Variants in CSMD1 observed in about 807,000 individuals in gnomAD.
The protein encoded by CSMD1 is CUB and sushi domain-containing protein 1.
CSMD1 carries 213 observed loss-of-function variants against 417.5 expected under a neutral mutation model. The ratio of observed to expected loss-of-function variants is 0.51; its 90% CI spans 0.46 to 0.57. The LOEUF is 0.57. CSMD1 is among the 20% of genes least tolerant of loss of function. CSMD1 has a pLI of 0.00. For missense variants in CSMD1, 6,923 were observed against 4,529.7 expected (o/e 1.53, Z -15.17); for synonymous variants, 2,862 against 1,736.8 (o/e 1.65, Z -16.11).
chr8:4,088,458 C>G (rs566610358), intron 3 of CSMD1, among the ~76,000 whole-genome samples: 5 of 152,348 alleles, frequency 3.3e-5, no homozygotes, highest in East Asian at 3.9e-4. Flanking sequence ...CTCTCTCTAT[C>G]CATTCCCCAA....
At chr8:3,836,314 C>T (rs1466349476) in intron 5 of CSMD1, among the ~76,000 whole-genome samples, 1 of 152,038 alleles carries the variant, frequency 6.6e-6, no homozygotes, top group African/African-American at 2.4e-5. Flanking sequence ...AGCAGTTTGC[C>T]AGTTTTGGGT....
chr8:4,336,904 C>G (rs1426660297), intron 3 of CSMD1, among the ~76,000 whole-genome samples: 1 of 152,026 alleles, frequency 6.6e-6, no homozygotes, highest in African/African-American at 2.4e-5. Flanking sequence ...TGCCTAATTT[C>G]CATAATAAAT....
intron 12 of CSMD1, among the ~76,000 whole-genome samples, chr8:3,463,179 G>A (rs542710371): frequency 1.1e-4 from 17 of 152,258 alleles, no homozygotes; most frequent in South Asian, 6.2e-4. Context: ...TGCACCTGTC[G>A]TGACTGGGCA....
Position 2,938,684 on chromosome 8 carries a change from T to G in CSMD1, c.10596A>C (p.Ala3532=), listed in dbSNP as rs1801658815. 5.0e-6 allele frequency: 8 copies of G among 1,612,046 alleles called. No individual in the cohort carries two copies. The highest frequency in any genetic ancestry group is 6.8e-6 in the Non-Finnish European group (8 of 1,178,978). ...YAGHENSNGQ[A]SFENPMYDTN... ...TATCATACATGGGGTTTTCAAACGA[T>G]GCTTGTCCATTGCTGTTTTCATGCC... Residue 3532 remains alanine, a synonymous_variant, in exon 70 of 70, where the codon GCA becomes GCC. Transcript: ENST00000635120.
chr8:4,897,937 A>G (rs866910367), intron 1 of CSMD1, among the ~76,000 whole-genome samples: 3 of 152,160 alleles, frequency 2.0e-5, no homozygotes, highest in Non-Finnish European at 4.4e-5. Context: ...GATTCTAAAC[A>G]TAAGTCTAAT....
chr8:3,158,519 A>C (rs763197830), intron 38 of CSMD1, among the ~76,000 whole-genome samples: 4 of 152,092 alleles, frequency 2.6e-5, no homozygotes, highest in Non-Finnish European at 5.9e-5. Context: ...AGACATCCTC[A>C]CACATCACAA....
intron 7 of CSMD1, among the ~76,000 whole-genome samples, chr8:3,688,226 G>C (rs58378737): frequency 0.13 from 19,251 of 152,208 alleles, 1,554 homozygotes; most frequent in East Asian, 0.19. Context: ...AGTGGGCAAA[G>C]ATGATAGTAT....
chr8:3,835,659 T>C (rs1281853029), intron 5 of CSMD1, among the ~76,000 whole-genome samples: 3 of 150,406 alleles, frequency 2.0e-5, no homozygotes. Context: ...CATGTATACA[T>C]ATGTAACAAA....
chr8:4,045,318 G>C lies in CSMD1; in HGVS notation c.416-13219C>G, dbSNP rs914950673. On this transcript the variant is annotated intron_variant, in intron 3 of 69. Coordinates refer to ENST00000635120, the MANE Select transcript of CSMD1 (RefSeq NM_033225.6). ...ATTCTGTCCTTATAGGGTTAGGCAG[G>C]TAAAAGGACCATCAATTGTGTATGA... Among the ~76,000 whole-genome samples, 4 of 152,302 alleles carry C rather than the reference G, an allele frequency of 2.6e-5. No individual in the cohort carries two copies. In the South Asian group the frequency reaches 6.2e-4, roughly 24 times the overall value.
intron 5 of CSMD1, among the ~76,000 whole-genome samples, chr8:3,919,046 G>A (rs987358358): frequency 7.4e-4 from 113 of 151,962 alleles, no homozygotes; most frequent in African/African-American, 2.6e-3. Context: ...TAAAAAATAT[G>A]TGGTTGTAAA....
At chr8:4,068,713 A>G (rs915448034) in intron 3 of CSMD1, among the ~76,000 whole-genome samples, 7 of 152,200 alleles carry the variant, frequency 4.6e-5, no homozygotes, top group African/African-American at 1.4e-4. Flanking sequence ...AGTGGGGAAA[A>G]AAGAAATAAC....
At chr8:4,123,789 C>T (rs144236914) in intron 3 of CSMD1, among the ~76,000 whole-genome samples, 314 of 151,988 alleles carry the variant, frequency 2.1e-3, no homozygotes, top group African/African-American at 7.2e-3. Context: ...CAGAAGAACC[C>T]AAAATAAAAT....
At chr8:4,746,079 C>A (rs1358565238) in intron 1 of CSMD1, among the ~76,000 whole-genome samples, 1 of 152,216 alleles carries the variant, frequency 6.6e-6, no homozygotes, top group Non-Finnish European at 1.5e-5. Flanking sequence ...CAGCCCCTCA[C>A]ATCAGAAACC....
At chr8:4,741,416 C>A (rs1278617215) in intron 1 of CSMD1, among the ~76,000 whole-genome samples, 2 of 152,040 alleles carry the variant, frequency 1.3e-5, no homozygotes, top group Non-Finnish European at 2.9e-5. Flanking sequence ...ACTAAATGAC[C>A]AGGAAATAAC....
At chr8:4,571,710 C>T (rs1798903655) in intron 2 of CSMD1, among the ~76,000 whole-genome samples, 1 of 152,138 alleles carries the variant, frequency 6.6e-6, no homozygotes, top group South Asian at 2.1e-4. Context: ...TTTGATCTGT[C>T]TAGTATTGAC....
intron 2 of CSMD1, among the ~76,000 whole-genome samples, chr8:4,604,599 T>C (rs1435870767): frequency 6.6e-6 from 1 of 152,092 alleles, no homozygotes; most frequent in Non-Finnish European, 1.5e-5. Flanking sequence ...AGCTTAAAAA[T>C]GTTAAAAAGT....
intron 3 of CSMD1, among the ~76,000 whole-genome samples, chr8:4,186,232 T>C (rs1227402082): frequency 3.0e-4 from 45 of 152,110 alleles, no homozygotes; most frequent in Admixed American, 2.9e-3. Flanking sequence ...GGCCAAACTG[T>C]GTTGCCATAC....
chr8:4,566,614 C>G (rs1051888498), intron 2 of CSMD1, among the ~76,000 whole-genome samples: 1 of 126,824 alleles, frequency 7.9e-6, no homozygotes, highest in Non-Finnish European at 1.6e-5. Flanking sequence ...GATCGCACCA[C>G]TGCACTCCAG....
intron 25 of CSMD1, among the ~76,000 whole-genome samples, chr8:3,297,292 A>C (rs1401413859): frequency 6.6e-6 from 1 of 152,206 alleles, no homozygotes; most frequent in Non-Finnish European, 1.5e-5. Flanking sequence ...ATAAAAATCC[A>C]GGCAATTTCT....
Sources: allele counts gnomAD v4.1 joint callset (sites outside exome capture counted in the v4.1 genomes callset), GRCh38; gene constraint gnomAD v4.1.1; transcripts MANE v1.5; gene names NCBI Gene and HGNC (gene_info 2026-07-23, HGNC 2026-07-21).